ACCSL: variants seen among roughly 807,000 people sequenced by gnomAD.
ACCSL encodes the protein 1-aminocyclopropane-1-carboxylate synthase homolog (inactive) like.
A neutral mutation model predicts 61.7 loss-of-function variants in ACCSL; 55 were observed. That is an observed-to-expected ratio of 0.89 (90% CI 0.72 to 1.12). ACCSL has a LOEUF of 1.12. ACCSL is among the 50% of genes most tolerant of loss of function. The pLI is 0.00. For synonymous variants in ACCSL, 258 were observed against 264.3 expected (o/e 0.98, Z 0.23); for missense variants, 632 against 698.0 (o/e 0.91, Z 1.07).
chr11:44,000,042 G>A, the ACCSL span, among the ~76,000 whole-genome samples: 1 of 152,296 alleles, frequency 6.6e-6, no homozygotes, highest in East Asian at 1.9e-4. Context: ...ACTTTGGAAG[G>A]CCAAGCGGGG....
chr11:43,989,929 G>T, the ACCSL span, among the ~76,000 whole-genome samples: 2 of 152,250 alleles, frequency 1.3e-5, no homozygotes, highest in Non-Finnish European at 2.9e-5. Flanking sequence ...CCCCTGGCTT[G>T]TGGCCTGCCT....
At chr11:43,983,359 G>A in the ACCSL span, among the ~76,000 whole-genome samples, 10,337 of 152,232 alleles carry the variant, frequency 0.068, 831 homozygotes, top group East Asian at 0.43. Context: ...ATTCATTTCT[G>A]TACTCATCCG....
chr11:43,998,852 C>T, the ACCSL span, among the ~76,000 whole-genome samples: 1 of 152,008 alleles, frequency 6.6e-6, no homozygotes, highest in African/African-American at 2.4e-5. Flanking sequence ...CTCAAACCGC[C>T]AGGCTCAGGT....
At chr11:43,990,934 GGT>G in the ACCSL span, among the ~76,000 whole-genome samples, 2 of 152,260 alleles carry the variant, frequency 1.3e-5, no homozygotes, top group East Asian at 3.9e-4. Context: ...ATCCAGGTAT[GGT>G]GACAGGTGCC....
At chr11:43,986,636 CT>C in the ACCSL span, among the ~76,000 whole-genome samples, 1 of 152,226 alleles carries the variant, frequency 6.6e-6, no homozygotes, top group Non-Finnish European at 1.5e-5. Flanking sequence ...CTTTACTGGG[CT>C]GGTTTCCTTC....
chr11:43,956,368 G>A, the ACCSL span, among the ~76,000 whole-genome samples: 1 of 152,112 alleles, frequency 6.6e-6, no homozygotes, highest in South Asian at 2.1e-4. Flanking sequence ...GATTAACAAA[G>A]GCAAGAGGGG....
At chr11:44,050,223 TG>T (rs888759921) in intron 2 of ACCSL, 102 bp downstream of exon 2, 1 of 990,756 alleles carries the variant, frequency 1.0e-6, no homozygotes, top group African/African-American at 1.6e-5. Context: ...CATAGGAGCC[TG>T]GGAAGAGGAG....
the ACCSL span, chr11:43,943,714 C>T: frequency 7.7e-7 from 1 of 1,304,398 alleles, no homozygotes; most frequent in Non-Finnish European, 1.0e-6. This position sits in a 1 kb window ranked among gnomAD's most constrained non-coding sequence, Gnocchi z 4.8. Flanking sequence ...AATTGTTAGG[C>T]GTGGCCGTTG....
chr11:43,969,369 T>A, the ACCSL span, among the ~76,000 whole-genome samples: 2 of 152,076 alleles, frequency 1.3e-5, no homozygotes, highest in Non-Finnish European at 2.9e-5. Flanking sequence ...CTGTCTCAAA[T>A]AATAATAAAA....
chr11:44,052,524 A>G, intron 5 of ACCSL, 138 bp from the exon 6 acceptor site: 1 of 725,534 alleles, frequency 1.4e-6, no homozygotes, highest in South Asian at 1.7e-5. Context: ...ACCTGAACCT[A>G]AGAACATTAA....
At chr11:43,944,172 G>A in the ACCSL span, 1 of 316,652 alleles carries the variant, frequency 3.2e-6, no homozygotes, top group South Asian at 2.8e-5. Flanking sequence ...CAGAGCTGAC[G>A]ATGGAGAGCT....
chr11:43,996,293 G>A, the ACCSL span, among the ~76,000 whole-genome samples: 2 of 152,200 alleles, frequency 1.3e-5, no homozygotes, highest in Non-Finnish European at 2.9e-5. Flanking sequence ...GCTCTAACCT[G>A]GAGAATAATA....
chr11:43,952,058 CT>C, the ACCSL span, among the ~76,000 whole-genome samples: 76,399 of 146,810 alleles, frequency 0.52, 19,603 homozygotes, highest in East Asian at 0.68. Context: ...ATATAGGTAT[CT>C]TTTTTTTTTT....
At chr11:43,949,540 C>T in the ACCSL span, among the ~76,000 whole-genome samples, 162 of 152,324 alleles carry the variant, frequency 1.1e-3, no homozygotes, top group African/African-American at 3.6e-3. Flanking sequence ...ACTGGCCGGG[C>T]ATGGTGGCTC....
At chr11:43,965,160 A>G in the ACCSL span, among the ~76,000 whole-genome samples, 1 of 152,250 alleles carries the variant, frequency 6.6e-6, no homozygotes, top group Non-Finnish European at 1.5e-5. Flanking sequence ...GTCTCTGTTC[A>G]CAGAGGACAT....
At chr11:43,943,790 G>A in the ACCSL span, 1 of 1,303,640 alleles carries the variant, frequency 7.7e-7, no homozygotes, top group East Asian at 5.6e-5. The surrounding 1 kb of genome is among the most constrained non-coding windows in gnomAD (Gnocchi z 4.8). Context: ...GCATTGCGAT[G>A]GCTGAAGGCA....
At chr11:43,943,866 A>G in the ACCSL span, 5 of 1,265,994 alleles carry the variant, frequency 3.9e-6, no homozygotes, top group Non-Finnish European at 5.1e-6. This position sits in a 1 kb window ranked among gnomAD's most constrained non-coding sequence, Gnocchi z 4.8. Flanking sequence ...AATAAAGTCA[A>G]TATATTTGCA....
chr11:44,052,639 G>A, intron 5 of ACCSL, 23 bp from the exon 6 acceptor site: 1 of 1,602,050 alleles, frequency 6.2e-7, no homozygotes, highest in South Asian at 1.1e-5. Flanking sequence ...TGGACTGATA[G>A]CTCTGTCTCT....
the ACCSL span, among the ~76,000 whole-genome samples, chr11:43,959,041 T>C: frequency 3.3e-5 from 5 of 152,156 alleles, no homozygotes; most frequent in Admixed American, 2.0e-4. Context: ...AAGGCACTAA[T>C]CCATCCATGA....
Sources: gnomAD v4.1 joint callset for allele counts (sites outside exome capture counted in the v4.1 genomes callset) on GRCh38, gnomAD v4.1.1 for gene constraint, Gnocchi (gnomAD v3.1) non-coding constraint, MANE v1.5 for transcripts, NCBI Gene and HGNC (gene_info 2026-07-23, HGNC 2026-07-21) for gene names.